ATAD2B: variants seen among roughly 807,000 people sequenced by gnomAD.
ATAD2B encodes the protein ATPase family AAA domain-containing protein 2B.
Under a neutral mutation model 167.6 loss-of-function variants are expected in ATAD2B, and 40 were observed. The observed-to-expected ratio is 0.24, with a 90% CI of 0.19 to 0.31. ATAD2B has a LOEUF of 0.31. Ranked by LOEUF, ATAD2B falls within the 10% of genes least tolerant of loss-of-function variation. The pLI is 1.00. For missense variants in ATAD2B, 1,242 were observed against 1,757.2 expected (o/e 0.71, Z 5.24); for synonymous variants, 579 against 596.5 (o/e 0.97, Z 0.43).
intron 10 of ATAD2B, among the ~76,000 whole-genome samples, chr2:23,865,230 T>C (rs139117150): frequency 1.3e-5 from 2 of 152,090 alleles, no homozygotes; most frequent in East Asian, 3.9e-4. Flanking sequence ...ATTTTTATAT[T>C]ATACCAAGTT....
chr2:23,813,737 C>A (rs1040236669), intron 17 of ATAD2B, among the ~76,000 whole-genome samples: 1 of 151,562 alleles, frequency 6.6e-6, no homozygotes, highest in Non-Finnish European at 1.5e-5. Flanking sequence ...AGAATGAGAC[C>A]TTGTCTCAAA....
At chr2:23,725,661 G>A in the ATAD2B span, among the ~76,000 whole-genome samples, 1 of 152,018 alleles carries the variant, frequency 6.6e-6, no homozygotes, top group African/African-American at 2.4e-5. Flanking sequence ...AGCTAATAAA[G>A]AAATAAAAGG....
chr2:23,732,177 T>A, the ATAD2B span, among the ~76,000 whole-genome samples: 6 of 152,156 alleles, frequency 3.9e-5, no homozygotes, highest in African/African-American at 1.2e-4. Flanking sequence ...TAAATGAACA[T>A]AGCCTCACCA....
chr2:23,709,514 T>C, the ATAD2B span, among the ~76,000 whole-genome samples: 1 of 152,226 alleles, frequency 6.6e-6, no homozygotes, highest in African/African-American at 2.4e-5. Context: ...GCACCTGTCC[T>C]CTGGCAGGGA....
At chr2:23,917,523 C>T (rs111485856) in intron 1 of ATAD2B, among the ~76,000 whole-genome samples, 4 of 151,880 alleles carry the variant, frequency 2.6e-5, no homozygotes, top group African/African-American at 9.7e-5. Context: ...TTAATATCAC[C>T]AAGTAGAGGG....
chr2:23,773,048 T>C (rs72780121), intron 22 of ATAD2B, among the ~76,000 whole-genome samples: 18,206 of 152,200 alleles, frequency 0.12, 1,164 homozygotes, highest in Middle Eastern at 0.21. Context: ...GGCCAAGGCA[T>C]TGCTTTTTCA....
At chr2:23,721,681 G>C in the ATAD2B span, among the ~76,000 whole-genome samples, 1 of 152,122 alleles carries the variant, frequency 6.6e-6, no homozygotes, top group Admixed American at 6.5e-5. Context: ...CAACCAAGCA[G>C]CTGTATGCCC....
chr2:23,872,837 G>A, intron 8 of ATAD2B: 1 of 981,766 alleles, frequency 1.0e-6, no homozygotes, highest in Middle Eastern at 3.1e-4. Flanking sequence ...CTTCTGCACT[G>A]AGGTGAAGCA....
chr2:23,720,747 T>A, the ATAD2B span, among the ~76,000 whole-genome samples: 3 of 152,082 alleles, frequency 2.0e-5, no homozygotes, highest in Admixed American at 2.0e-4. Context: ...ATGCCTGCAG[T>A]CCTTACAAAA....
chr2:23,763,897 G>GTT (rs1677073548), intron 23 of ATAD2B, among the ~76,000 whole-genome samples: 1 of 152,264 alleles, frequency 6.6e-6, no homozygotes, highest in East Asian at 1.9e-4. Context: ...CAGCCAGCAT[G>GTT]TTTTTGAAGT....
At chr2:23,824,184 A>G (rs1272297270) in intron 15 of ATAD2B, among the ~76,000 whole-genome samples, 2 of 151,796 alleles carry the variant, frequency 1.3e-5, no homozygotes, top group East Asian at 1.9e-4. Context: ...CTGGTCTCAA[A>G]CTCCTGGGCT....
the ATAD2B span, chr2:23,703,158 C>T: frequency 1.4e-6 from 2 of 1,397,920 alleles, no homozygotes; most frequent in Admixed American, 3.3e-5. Context: ...CCATCTTGAC[C>T]CTGGGCTCTT....
intron 22 of ATAD2B, among the ~76,000 whole-genome samples, chr2:23,778,112 G>C (rs1679440201): frequency 6.6e-6 from 1 of 151,464 alleles, no homozygotes; most frequent in Non-Finnish European, 1.5e-5. Flanking sequence ...AACATAACAA[G>C]TGGTTCTGTT....
At chr2:23,701,792 GCTT>G in the ATAD2B span, among the ~76,000 whole-genome samples, 1 of 35,236 alleles carries the variant, frequency 2.8e-5, no homozygotes, top group African/African-American at 8.5e-5. Flanking sequence ...GCTTTTTTTT[GCTT>G]TTTTTTTTTT....
intron 24 of ATAD2B, among the ~76,000 whole-genome samples, chr2:23,761,407 C>T (rs1289367768): frequency 6.6e-6 from 1 of 152,174 alleles, no homozygotes; most frequent in South Asian, 2.1e-4. Flanking sequence ...AGTAACTGCT[C>T]GTTGGAGCAT....
intron 6 of ATAD2B, among the ~76,000 whole-genome samples, chr2:23,881,423 T>C (rs72788298): frequency 0.19 from 27,416 of 145,440 alleles, 2,675 homozygotes; most frequent in Middle Eastern, 0.27. Flanking sequence ...TACAGTGGCG[T>C]GATCTGGGCT....
At position 23,823,684 on chromosome 2, in the gene ATAD2B, CTA is replaced by C. The variant is rs935764163; in HGVS notation, c.1820-117_1820-116del. The stretch of plus-strand genomic sequence containing the variant: ...GTCATAATCAATACTAAATCAATAA[CTA>C]TGTGCAATTTTACCAGCAAAATGAA... On this transcript the variant is annotated intron_variant, in intron 15 of 27. Transcript: ENST00000238789. 1.1e-5 allele frequency: 10 copies of C among 920,944 alleles called. No individual in the cohort carries two copies. The East Asian group carries it at 1.6e-4, about 15-fold the overall frequency. The allele number at this position is 920,944 out of a possible 1,614,324, so 57.0% of individuals were successfully genotyped here. A position where few individuals can be genotyped will look rare whatever the true frequency, so the allele number is the denominator to read the frequency against.
intron 2 of ATAD2B, among the ~76,000 whole-genome samples, chr2:23,890,454 T>C (rs1349787271): frequency 6.6e-6 from 1 of 152,196 alleles, no homozygotes; most frequent in Non-Finnish European, 1.5e-5. Flanking sequence ...ATAAAGTAAC[T>C]AAATGGATGT....
chr2:23,708,709 T>C, the ATAD2B span: 2 of 152,210 alleles, frequency 1.3e-5, no homozygotes, highest in Non-Finnish European at 2.9e-5. Flanking sequence ...TTATAGACTT[T>C]AGTGCAGAAC....
Sources: gnomAD v4.1 joint callset for allele counts (sites outside exome capture counted in the v4.1 genomes callset) on GRCh38, gnomAD v4.1.1 for gene constraint, MANE v1.5 for transcripts, NCBI Gene and HGNC (gene_info 2026-07-23, HGNC 2026-07-21) for gene names.